Variants in NRG1 observed in about 807,000 individuals in gnomAD.
NRG1 encodes neuregulin 1.
In NRG1, 18 loss-of-function variants were observed where a neutral mutation model predicts 63.8. That is an observed-to-expected ratio of 0.28 (90% CI 0.19 to 0.42). The LOEUF (loss-of-function observed/expected upper bound fraction) is 0.42. Ranked by LOEUF, NRG1 falls within the 10% of genes least tolerant of loss-of-function variation. The pLI is 1.00. For synonymous variants in NRG1, 302 were observed against 301.3 expected, an observed-to-expected ratio of 1.00 and a Z score of -0.02; for missense variants, 762 against 814.7, an observed-to-expected ratio of 0.94 and a Z score of 0.79.
intron 1 of NRG1, among the ~76,000 whole-genome samples, chr8:31,907,085 A>G (rs893490991): frequency 2.0e-5 from 3 of 152,230 alleles, no homozygotes; most frequent in African/African-American, 7.2e-5. Flanking sequence ...TTTGGGGCCC[A>G]CTGACTGTAA....
At chr8:31,711,016 T>C (rs1393523670) in intron 1 of NRG1, among the ~76,000 whole-genome samples, 1 of 152,210 alleles carries the variant, frequency 6.6e-6, no homozygotes, top group African/African-American at 2.4e-5. Context: ...TAACCTTTTG[T>C]AAACTATGTT....
At chr8:31,934,815 TG>T in intron 1 of NRG1, among the ~76,000 whole-genome samples, 1 of 152,220 alleles carries the variant, frequency 6.6e-6, no homozygotes, top group Non-Finnish European at 1.5e-5. Flanking sequence ...AATTTCATGA[TG>T]GCAAAAGTCA....
At chr8:31,993,842 C>A (rs750195430) in intron 1 of NRG1, among the ~76,000 whole-genome samples, 1 of 152,022 alleles carries the variant, frequency 6.6e-6, no homozygotes. Context: ...TGTGATTCAT[C>A]TTGAAGTCTA....
intron 1 of NRG1, among the ~76,000 whole-genome samples, chr8:32,483,261 G>A (rs997963507): frequency 3.3e-5 from 5 of 152,340 alleles, no homozygotes; most frequent in Admixed American, 2.6e-4. Context: ...TGGCTAGAGA[G>A]GACTTCTCTT....
At chr8:31,952,546 T>C (rs1016824444) in intron 1 of NRG1, among the ~76,000 whole-genome samples, 2 of 152,210 alleles carry the variant, frequency 1.3e-5, no homozygotes, top group African/African-American at 4.8e-5. Context: ...TTGAAGTGTT[T>C]AAATAATTTT....
intron 1 of NRG1, among the ~76,000 whole-genome samples, chr8:32,291,208 G>C (rs76071180): frequency 6.6e-6 from 1 of 152,130 alleles, no homozygotes; most frequent in Admixed American, 6.5e-5. Context: ...AGGGCAATCT[G>C]TTTTAGTCAA....
At chr8:31,995,776 G>A (rs1275428152) in intron 1 of NRG1, among the ~76,000 whole-genome samples, 1 of 151,978 alleles carries the variant, frequency 6.6e-6, no homozygotes, top group Non-Finnish European at 1.5e-5. Context: ...GATTCAGGAA[G>A]AGTCCAATAT....
chr8:31,669,244 C>CTT (rs71208137), intron 1 of NRG1, among the ~76,000 whole-genome samples: 13,842 of 146,200 alleles, frequency 0.095, 843 homozygotes, highest in Admixed American at 0.16. Flanking sequence ...TTTTTGTATT[C>CTT]TTTTTTTTTT....
intron 1 of NRG1, among the ~76,000 whole-genome samples, chr8:32,412,922 T>C (rs1480195992): frequency 1.3e-5 from 2 of 152,206 alleles, no homozygotes; most frequent in African/African-American, 4.8e-5. Context: ...AAATAGGTAC[T>C]ATTGTTTTGA....
At chr8:32,575,944 A>G (rs1447867003) in intron 1 of NRG1, among the ~76,000 whole-genome samples, 1 of 152,224 alleles carries the variant, frequency 6.6e-6, no homozygotes, top group Admixed American at 6.5e-5. Flanking sequence ...ATTCTCCAAA[A>G]TAAATGTGTT....
At chr8:31,783,250 A>T (rs1253592922) in intron 1 of NRG1, among the ~76,000 whole-genome samples, 1 of 152,230 alleles carries the variant, frequency 6.6e-6, no homozygotes, top group African/African-American at 2.4e-5. Context: ...TCATAACCAC[A>T]TCGTAAAAGT....
chr8:32,293,910 G>T (rs1466005839), intron 1 of NRG1, among the ~76,000 whole-genome samples: 1 of 151,760 alleles, frequency 6.6e-6, no homozygotes, highest in Non-Finnish European at 1.5e-5. Context: ...TAGAAATGGA[G>T]TTTCACCATG....
At chr8:32,090,007 T>A (rs1587036708) in intron 1 of NRG1, among the ~76,000 whole-genome samples, 2 of 152,338 alleles carry the variant, frequency 1.3e-5, no homozygotes, top group South Asian at 4.1e-4. Flanking sequence ...AGTGGCTACA[T>A]TAGTAACTCT....
chr8:32,060,430 A>T (rs1176426568), intron 1 of NRG1, among the ~76,000 whole-genome samples: 2 of 151,950 alleles, frequency 1.3e-5, no homozygotes, highest in African/African-American at 2.4e-5. Flanking sequence ...AGAATGTGAA[A>T]ATTGCTATTC....
chr8:32,062,984 G>T (rs1824139645), intron 1 of NRG1: 1 of 152,068 alleles, frequency 6.6e-6, no homozygotes, highest in Non-Finnish European at 1.5e-5. Context: ...ATGTGAGAAA[G>T]GTGGAAAAAG....
intron 1 of NRG1, among the ~76,000 whole-genome samples, chr8:32,342,245 C>T (rs1345270937): frequency 1.3e-5 from 2 of 152,142 alleles, no homozygotes; most frequent in Non-Finnish European, 2.9e-5. Context: ...GCCAAAATAG[C>T]TGTAGAAAAG....
intron 1 of NRG1, among the ~76,000 whole-genome samples, chr8:32,288,672 C>T (rs1465656746): frequency 6.6e-6 from 1 of 152,160 alleles, no homozygotes; most frequent in African/African-American, 2.4e-5. Flanking sequence ...CTGTCACCAT[C>T]CTTGAGCCAC....
At chr8:31,929,971 G>T (rs1436257221) in intron 1 of NRG1, among the ~76,000 whole-genome samples, 1 of 152,136 alleles carries the variant, frequency 6.6e-6, no homozygotes, top group Admixed American at 6.5e-5. Context: ...TCTAGGATCT[G>T]CCCCTTTCTT....
At chr8:31,788,960 TATG>T (rs1414850487) in intron 1 of NRG1, among the ~76,000 whole-genome samples, 11 of 152,300 alleles carry the variant, frequency 7.2e-5, no homozygotes, top group South Asian at 4.1e-4. Context: ...CAATGTATTT[TATG>T]ATGTTTTAGA....
Sources: gnomAD v4.1 joint callset for allele counts (sites outside exome capture counted in the v4.1 genomes callset) on GRCh38, gnomAD v4.1.1 for gene constraint, MANE v1.5 for transcripts, NCBI Gene and HGNC (gene_info 2026-07-23, HGNC 2026-07-21) for gene names.